SAMD3: variants seen among roughly 807,000 people sequenced by gnomAD.
SAMD3 encodes sterile alpha motif domain-containing protein 3.
Under a neutral mutation model 58.5 loss-of-function variants are expected in SAMD3, and 63 were observed. The observed-to-expected ratio is 1.08, with a 90% CI of 0.88 to 1.33. The LOEUF (loss-of-function observed/expected upper bound fraction) is 1.33. Among genes scored for constraint, SAMD3 ranks in the 40% most tolerant of loss-of-function variants. SAMD3 has a pLI of 0.00. For missense variants in SAMD3, 604 were observed against 608.4 expected, an observed-to-expected ratio of 0.99 and a Z score of 0.08; for synonymous variants, 220 against 210.3, an observed-to-expected ratio of 1.05 and a Z score of -0.40.
chr6:130,211,098 TGACAAAGCCAG>T (rs1795510628), intron 4 of SAMD3, among the ~76,000 whole-genome samples: 1 of 151,566 alleles, frequency 6.6e-6, no homozygotes. Context: ...CCAGCCTGGG[TGACAAAGCCAG>T]ACTCCATCTC....
intron 8 of SAMD3, among the ~76,000 whole-genome samples, chr6:130,166,648 G>A (rs1790760082): frequency 6.6e-6 from 1 of 152,124 alleles, no homozygotes; most frequent in Non-Finnish European, 1.5e-5. Flanking sequence ...TTGTGACTTG[G>A]GGTATGGGAA....
intron 2 of SAMD3, among the ~76,000 whole-genome samples, chr6:130,236,529 G>T (rs936826484): frequency 6.6e-6 from 1 of 151,916 alleles, no homozygotes; most frequent in Non-Finnish European, 1.5e-5. Context: ...GATTACAGGC[G>T]CCCACCACCG....
chr6:130,206,443 C>A (rs531281695), intron 5 of SAMD3, among the ~76,000 whole-genome samples: 72 of 152,270 alleles, frequency 4.7e-4, no homozygotes, highest in African/African-American at 1.4e-3. Context: ...AAGTAGGGAC[C>A]ACTTCACTCC....
chr6:130,191,663 G>A (rs1182378750), intron 5 of SAMD3, among the ~76,000 whole-genome samples: 1 of 140,670 alleles, frequency 7.1e-6, no homozygotes, highest in Non-Finnish European at 1.5e-5. Context: ...TTCTCGCTTT[G>A]TTGAAATTGG....
At chr6:130,346,611 C>T (rs1208571057) in intron 1 of SAMD3, among the ~76,000 whole-genome samples, 1 of 152,226 alleles carries the variant, frequency 6.6e-6, no homozygotes, top group Non-Finnish European at 1.5e-5. Context: ...CCCACCACAG[C>T]CCAAGGAGGC....
intron 1 of SAMD3, among the ~76,000 whole-genome samples, chr6:130,314,235 A>G (rs1776283588): frequency 6.6e-6 from 1 of 152,230 alleles, no homozygotes; most frequent in African/African-American, 2.4e-5. Flanking sequence ...GTTCTGCCTA[A>G]AGCCCTGATT....
At chr6:130,170,590 C>T (rs909192001) in intron 8 of SAMD3, among the ~76,000 whole-genome samples, 6 of 152,092 alleles carry the variant, frequency 3.9e-5, no homozygotes, top group African/African-American at 1.4e-4. Flanking sequence ...CATGGAATGT[C>T]TTTCTTTTCC....
intron 8 of SAMD3, among the ~76,000 whole-genome samples, chr6:130,164,492 T>G (rs1582763637): frequency 1.3e-5 from 2 of 152,150 alleles, no homozygotes; most frequent in East Asian, 3.8e-4. Context: ...AAAAAATGCC[T>G]TCATTGCTTC....
chr6:130,322,145 G>A (rs934495685), intron 1 of SAMD3, among the ~76,000 whole-genome samples: 1 of 152,162 alleles, frequency 6.6e-6, no homozygotes, highest in African/African-American at 2.4e-5. Flanking sequence ...AGGCTGGAGC[G>A]AGGCATCCAA....
intron 2 of SAMD3, among the ~76,000 whole-genome samples, chr6:130,263,539 G>A (rs555533844): frequency 2.0e-5 from 3 of 152,190 alleles, no homozygotes; most frequent in African/African-American, 4.8e-5. Flanking sequence ...CCAGAGTCGT[G>A]GGCCATAGTC....
chr6:130,159,901 C>T (rs1258395527), intron 8 of SAMD3: 1 of 151,936 alleles, frequency 6.6e-6, no homozygotes, highest in Non-Finnish European at 1.5e-5. Flanking sequence ...AGATGATCAC[C>T]CTCATACATA....
At chr6:130,338,952 G>C (rs995972860) in intron 1 of SAMD3, among the ~76,000 whole-genome samples, 1 of 152,156 alleles carries the variant, frequency 6.6e-6, no homozygotes. Flanking sequence ...AGGCATGATT[G>C]GTTTTGAAAT....
intron 1 of SAMD3, among the ~76,000 whole-genome samples, chr6:130,326,613 A>G (rs1776769809): frequency 6.6e-6 from 1 of 152,144 alleles, no homozygotes; most frequent in South Asian, 2.1e-4. Context: ...AGTAATTTTA[A>G]TGGTGCACAG....
At chr6:130,224,415 C>T (rs1223934724), upstream of SAMD3, among the ~76,000 whole-genome samples, 3 of 151,408 alleles carry the variant, frequency 2.0e-5, no homozygotes, top group South Asian at 4.2e-4. Context: ...CCCAGCACTT[C>T]CCTGCCCGCC....
chr6:130,349,011 A>C (rs1269817651), intron 1 of SAMD3, among the ~76,000 whole-genome samples: 2 of 152,126 alleles, frequency 1.3e-5, no homozygotes, highest in African/African-American at 4.8e-5. Context: ...GCAGAAATAA[A>C]GATGTTCTTT....
At chr6:130,145,317 G>C (rs1330127146) in intron 11 of SAMD3, 23 bp downstream of exon 11, 8 of 1,233,770 alleles carry the variant, frequency 6.5e-6, no homozygotes, top group Non-Finnish European at 9.1e-6. Flanking sequence ...TGTCAAACTA[G>C]TGGCCATTCA....
At chr6:130,329,318 A>G (rs955970513) in intron 1 of SAMD3, among the ~76,000 whole-genome samples, 3 of 151,346 alleles carry the variant, frequency 2.0e-5, no homozygotes, top group African/African-American at 7.3e-5. Context: ...ACCTGCCTCT[A>G]TTAGCAAAAC....
At chr6:130,311,564 T>A (rs1398593354) in intron 2 of SAMD3, among the ~76,000 whole-genome samples, 1 of 152,080 alleles carries the variant, frequency 6.6e-6, no homozygotes, top group Non-Finnish European at 1.5e-5. Context: ...TGAAAAAAAA[T>A]TTGTGAAGAC....
At chr6:130,160,859 A>G (rs934547597) in intron 8 of SAMD3, 2 of 152,188 alleles carry the variant, frequency 1.3e-5, no homozygotes. Context: ...AAAATCTTTA[A>G]GCTTCAGATA....
Sources: gnomAD v4.1 joint callset for allele counts (sites outside exome capture counted in the v4.1 genomes callset) on GRCh38, gnomAD v4.1.1 for gene constraint, MANE v1.5 for transcripts, NCBI Gene and HGNC (gene_info 2026-07-23, HGNC 2026-07-21) for gene names.